FTCDNL1: variants seen among roughly 807,000 people sequenced by gnomAD.
FTCDNL1 encodes the protein formiminotransferase N-terminal subdomain-containing protein.
A neutral mutation model predicts 5.9 loss-of-function variants in FTCDNL1; 11 were observed. That is an observed-to-expected ratio of 1.87 (90% confidence interval 1.18 to 3.10). The LOEUF (loss-of-function observed/expected upper bound fraction) is 3.10. FTCDNL1 is among the 30% of genes most tolerant of loss of function. The pLI is 0.00. For synonymous variants in FTCDNL1, 58 were observed against 24.8 expected, an observed-to-expected ratio of 2.34 and a Z score of -3.99; for missense variants, 115 against 65.5, an observed-to-expected ratio of 1.76 and a Z score of -2.61.
At chr2:199,772,550 A>G (rs1429943501) in intron 3 of FTCDNL1, among the ~76,000 whole-genome samples, 1 of 151,958 alleles carries the variant, frequency 6.6e-6, no homozygotes, top group Non-Finnish European at 1.5e-5. Flanking sequence ...CCTCCCCATG[A>G]CCCCACACTC....
chr2:199,670,686 A>T, the FTCDNL1 span, among the ~76,000 whole-genome samples: 1 of 152,132 alleles, frequency 6.6e-6, no homozygotes, highest in South Asian at 2.1e-4. Flanking sequence ...GTGTGTATAC[A>T]TCTTCTCTTG....
At chr2:199,826,488 CAAAA>C (rs35457727) in intron 3 of FTCDNL1, among the ~76,000 whole-genome samples, 8 of 121,132 alleles carry the variant, frequency 6.6e-5, no homozygotes, top group African/African-American at 6.2e-5. Context: ...ATTTCTCAGT[CAAAA>C]AAAAAAAAAA....
chr2:199,780,739 G>C (rs1053645968), intron 3 of FTCDNL1, among the ~76,000 whole-genome samples: 7 of 152,280 alleles, frequency 4.6e-5, no homozygotes, highest in African/African-American at 1.4e-4. Context: ...TATCACAAGT[G>C]GGCAGGGGAA....
chr2:199,664,898 A>G, the FTCDNL1 span, among the ~76,000 whole-genome samples: 2 of 152,176 alleles, frequency 1.3e-5, no homozygotes, highest in Non-Finnish European at 2.9e-5. Context: ...AATAGCCTGG[A>G]CAACCAGTAG....
intron 3 of FTCDNL1, among the ~76,000 whole-genome samples, chr2:199,821,536 C>T (rs1032201265): frequency 6.6e-6 from 1 of 151,826 alleles, no homozygotes; most frequent in Non-Finnish European, 1.5e-5. Flanking sequence ...ATGATCTTGG[C>T]TCAGTGCAAC....
chr2:199,757,507 T>C (rs1698112691), downstream of FTCDNL1, among the ~76,000 whole-genome samples: 1 of 152,122 alleles, frequency 6.6e-6, no homozygotes, highest in Non-Finnish European at 1.5e-5. Flanking sequence ...CATGTTTTGC[T>C]GCCATTTCCA....
At chr2:199,725,526 GT>G in the FTCDNL1 span, among the ~76,000 whole-genome samples, 1 of 152,164 alleles carries the variant, frequency 6.6e-6, no homozygotes, top group African/African-American at 2.4e-5. Flanking sequence ...GCTGGTAACA[GT>G]TTTTTCTTTC....
chr2:199,794,455 C>T (rs796086890), intron 3 of FTCDNL1, among the ~76,000 whole-genome samples: 10 of 152,342 alleles, frequency 6.6e-5, no homozygotes, highest in African/African-American at 2.4e-4. Flanking sequence ...CAAAACCTTG[C>T]ATCTTTCAGT....
At chr2:199,777,942 C>G (rs978127061) in intron 3 of FTCDNL1, among the ~76,000 whole-genome samples, 7 of 152,082 alleles carry the variant, frequency 4.6e-5, no homozygotes, top group African/African-American at 7.2e-5. Flanking sequence ...GAATCAGGCT[C>G]TGTTTCAAAA....
At chr2:199,841,150 T>TA (rs747796893) in intron 3 of FTCDNL1, among the ~76,000 whole-genome samples, 41 of 139,806 alleles carry the variant, frequency 2.9e-4, no homozygotes, top group Admixed American at 2.8e-4. Context: ...GATCCTGTCT[T>TA]AAAAAAAAAA....
the FTCDNL1 span, among the ~76,000 whole-genome samples, chr2:199,675,931 T>C: frequency 2.0e-5 from 3 of 152,178 alleles, no homozygotes; most frequent in African/African-American, 7.2e-5. Context: ...TTGTATTTTT[T>C]GTAGAGACAG....
At chr2:199,764,932 T>C (rs899869750) in intron 3 of FTCDNL1, among the ~76,000 whole-genome samples, 2 of 152,148 alleles carry the variant, frequency 1.3e-5, no homozygotes, top group Non-Finnish European at 2.9e-5. Flanking sequence ...TCTCAAGTCA[T>C]CTAAGTACAG....
intron 3 of FTCDNL1, among the ~76,000 whole-genome samples, chr2:199,841,855 G>A (rs1411408616): frequency 6.6e-6 from 1 of 152,168 alleles, no homozygotes; most frequent in African/African-American, 2.4e-5. Flanking sequence ...TGCAGGCAGA[G>A]TGATCTTTCT....
At chr2:199,668,018 G>A in the FTCDNL1 span, among the ~76,000 whole-genome samples, 1 of 152,280 alleles carries the variant, frequency 6.6e-6, no homozygotes, top group Admixed American at 6.5e-5. Flanking sequence ...TAGTAGAGAT[G>A]CAGAGGAAGC....
chr2:199,796,794 C>A (rs1475899501), intron 3 of FTCDNL1, among the ~76,000 whole-genome samples: 1 of 152,038 alleles, frequency 6.6e-6, no homozygotes. Context: ...ACAATCTACA[C>A]CAAAATGTCC....
chr2:199,786,480 C>T (rs575770428), intron 3 of FTCDNL1, among the ~76,000 whole-genome samples: 51 of 152,052 alleles, frequency 3.4e-4, no homozygotes, highest in African/African-American at 1.2e-3. Flanking sequence ...TGAACTTGAT[C>T]GAATTCCACT....
At chr2:199,701,794 G>A in the FTCDNL1 span, among the ~76,000 whole-genome samples, 4 of 152,128 alleles carry the variant, frequency 2.6e-5, no homozygotes, top group African/African-American at 9.7e-5. Flanking sequence ...CAACACTTTG[G>A]GAGGCCAAGG....
At chr2:199,837,089 T>A (rs1574667944) in intron 3 of FTCDNL1, among the ~76,000 whole-genome samples, 2 of 152,354 alleles carry the variant, frequency 1.3e-5, no homozygotes, top group South Asian at 4.1e-4. Flanking sequence ...AGTTCTCCCA[T>A]TTGGCCTTTC....
chr2:199,765,535 TATATA>T lies in FTCDNL1; in HGVS notation c.212-4705_212-4701del, dbSNP rs1559169003. On this transcript the variant is annotated intron_variant, in intron 3 of 3. Transcript: ENST00000416668. ...TGGCATCTCTTTTTTGTCTTCATTATATATATATATATATATATATATTTTTTTTT... is the reference window on the plus strand; with the variant it reads ...TGGCATCTCTTTTTTGTCTTCATTATTATATATATATATATATTTTTTTTT... Among the ~76,000 whole-genome samples, 81 of 77,842 alleles carry T rather than the reference TATATA, an allele frequency of 1.0e-3. 1 individual carries two copies. Among genetic ancestry groups the T allele is most frequent in the African/African-American group, 2.6e-3 (72 of 27,462 alleles). 51.1% of individuals were successfully genotyped at this position (77,842 alleles called of 152,430 possible). A position where few individuals can be genotyped will look rare whatever the true frequency, so the allele number is the denominator to read the frequency against.
Sources: gnomAD v4.1 joint callset for allele counts (sites outside exome capture counted in the v4.1 genomes callset) on GRCh38, gnomAD v4.1.1 for gene constraint, MANE v1.5 for transcripts, NCBI Gene and HGNC (gene_info 2026-07-23, HGNC 2026-07-21) for gene names.